CTNNA2: variants seen among roughly 807,000 people sequenced by gnomAD.
CTNNA2 encodes the protein catenin alpha-2.
CTNNA2 carries 42 observed loss-of-function variants against 101.0 expected under a neutral mutation model. The ratio of observed to expected loss-of-function variants is 0.42; its 90% CI spans 0.32 to 0.54. The LOEUF is 0.54. Among genes scored for constraint, CTNNA2 ranks in the 20% least tolerant of loss-of-function variants. The pLI is 0.14. For missense variants in CTNNA2, 871 were observed against 1,223.1 expected, an observed-to-expected ratio of 0.71 and a Z score of 4.29; for synonymous variants, 450 against 456.4, an observed-to-expected ratio of 0.99 and a Z score of 0.18.
intron 7 of CTNNA2, among the ~76,000 whole-genome samples, chr2:80,132,774 G>T (rs1488363205): frequency 6.6e-6 from 1 of 151,946 alleles, no homozygotes; most frequent in Non-Finnish European, 1.5e-5. Context: ...TCTCTATTTT[G>T]TTTATGTATA....
At chr2:79,782,868 A>G (rs1255378679) in intron 3 of CTNNA2, among the ~76,000 whole-genome samples, 1 of 152,084 alleles carries the variant, frequency 6.6e-6, no homozygotes, top group Non-Finnish European at 1.5e-5. Context: ...TGGAATTTTT[A>G]GTTTTTGCAA....
chr2:80,245,822 T>TTTTTTTTTTTTTTTG (rs1558937542), intron 7 of CTNNA2, among the ~76,000 whole-genome samples: 2 of 135,468 alleles, frequency 1.5e-5, no homozygotes, highest in African/African-American at 5.8e-5. Context: ...TTTTTTTTTT[T>TTTTTTTTTTTTTTTG]TGCACTCTGT....
At chr2:79,547,371 G>A (rs1465252140) in intron 1 of CTNNA2, 3 of 152,162 alleles carry the variant, frequency 2.0e-5, no homozygotes, top group East Asian at 3.9e-4. Context: ...TCTTTTGGAT[G>A]AAGACTTCTA....
chr2:80,285,858 C>T (rs573158471), intron 7 of CTNNA2, among the ~76,000 whole-genome samples: 22 of 152,272 alleles, frequency 1.4e-4, no homozygotes, highest in Admixed American at 1.0e-3. Context: ...GTCACTGTAA[C>T]GGATATAAAA....
At chr2:80,019,522 G>C (rs546041383) in intron 7 of CTNNA2, among the ~76,000 whole-genome samples, 2 of 152,276 alleles carry the variant, frequency 1.3e-5, no homozygotes, top group South Asian at 4.1e-4. Context: ...GTTTACTGAA[G>C]CTAACCAGTC....
intron 2 of CTNNA2, among the ~76,000 whole-genome samples, chr2:79,266,461 C>T (rs1674988099): frequency 2.0e-5 from 3 of 152,162 alleles, no homozygotes; most frequent in Admixed American, 6.6e-5. Flanking sequence ...CCTTACTTAT[C>T]TACTGATATT....
chr2:80,424,902 C>G (rs1172359499), intron 9 of CTNNA2, among the ~76,000 whole-genome samples: 1 of 152,214 alleles, frequency 6.6e-6, no homozygotes, highest in Non-Finnish European at 1.5e-5. Context: ...TTGAACCTCT[C>G]TTCTCTATGG....
At chr2:80,378,184 G>A (rs61303247) in intron 7 of CTNNA2, among the ~76,000 whole-genome samples, 33,051 of 151,452 alleles carry the variant, frequency 0.22, 3,805 homozygotes, top group East Asian at 0.49. Flanking sequence ...GTGAAACCCC[G>A]TCTCTGCACT....
intron 7 of CTNNA2, among the ~76,000 whole-genome samples, chr2:80,082,823 C>A (rs1481137736): frequency 6.6e-6 from 1 of 152,056 alleles, no homozygotes; most frequent in Admixed American, 6.6e-5. Flanking sequence ...ACCTGGGAGA[C>A]AATTGGGTGT....
chr2:79,827,681 G>C (rs72916645), intron 3 of CTNNA2, among the ~76,000 whole-genome samples: 1 of 152,090 alleles, frequency 6.6e-6, no homozygotes, highest in Non-Finnish European at 1.5e-5. Context: ...CCCCTGAAAG[G>C]AATATGTATC....
upstream of CTNNA2, among the ~76,000 whole-genome samples, chr2:79,509,321 T>C (rs1411114619): frequency 2.0e-5 from 3 of 152,074 alleles, no homozygotes; most frequent in African/African-American, 4.8e-5. Flanking sequence ...GAAATTGCTA[T>C]AGCATCTTTA....
At chr2:80,434,549 G>T (rs182910834) in intron 9 of CTNNA2, among the ~76,000 whole-genome samples, 9 of 138,732 alleles carry the variant, frequency 6.5e-5, no homozygotes, top group Admixed American at 4.6e-4. Flanking sequence ...AACATACAGT[G>T]GTGTGGCATG....
At chr2:79,847,273 G>T (rs1680303588) in intron 3 of CTNNA2, among the ~76,000 whole-genome samples, 1 of 152,230 alleles carries the variant, frequency 6.6e-6, no homozygotes, top group Non-Finnish European at 1.5e-5. Flanking sequence ...GGCAGGGTGT[G>T]GTGGCTCACG....
At chr2:79,386,486 A>G (rs776903524) in intron 4 of CTNNA2, among the ~76,000 whole-genome samples, 2 of 152,160 alleles carry the variant, frequency 1.3e-5, no homozygotes, top group Non-Finnish European at 2.9e-5. Flanking sequence ...CTTCTCCACA[A>G]TATCCTCCTC....
rs140489538 is a variant in CTNNA2, at chr2:79,286,635, A to T, written c.-405-26074A>T. 5.3e-3 allele frequency among the ~76,000 whole-genome samples: 812 copies of T among 152,254 alleles called. 21 individuals are homozygous for T. Among genetic ancestry groups the T allele is most frequent in the East Asian group, 0.051 (266 of 5,174 alleles). On this transcript the variant is annotated intron_variant, in intron 2 of 21. Coordinates refer to the CTNNA2 transcript ENST00000466387. ...TGCCGAGAGATCTGCTGTTAGTCTA[A>T]TGGGCTTCCCTTTGAGGGTATCCCG...
At chr2:80,067,734 C>T (rs1698077245) in intron 7 of CTNNA2, among the ~76,000 whole-genome samples, 1 of 152,114 alleles carries the variant, frequency 6.6e-6, no homozygotes, top group Non-Finnish European at 1.5e-5. Context: ...CGGCTTTCTC[C>T]CTACTCTTCT....
intron 2 of CTNNA2, among the ~76,000 whole-genome samples, chr2:79,716,993 G>T (rs1686151615): frequency 6.7e-6 from 1 of 149,634 alleles, no homozygotes; most frequent in Non-Finnish European, 1.5e-5. Flanking sequence ...GAAGTCATAG[G>T]GGACATCTAA....
chr2:79,845,482 A>T (rs1680162977), intron 3 of CTNNA2, among the ~76,000 whole-genome samples: 1 of 152,234 alleles, frequency 6.6e-6, no homozygotes, highest in African/African-American at 2.4e-5. Context: ...GAGTAAGGAC[A>T]AGATGTCACT....
At chr2:79,840,854 T>C (rs956992783) in intron 3 of CTNNA2, among the ~76,000 whole-genome samples, 5 of 151,606 alleles carry the variant, frequency 3.3e-5, no homozygotes, top group Admixed American at 6.6e-5. Flanking sequence ...ACTGCAAGCT[T>C]CGCCTCCCGG....
Sources: allele counts gnomAD v4.1 joint callset (sites outside exome capture counted in the v4.1 genomes callset), GRCh38; gene constraint gnomAD v4.1.1; transcripts MANE v1.5; gene names NCBI Gene and HGNC (gene_info 2026-07-23, HGNC 2026-07-21).